Variants in AAK1 observed in about 807,000 individuals in gnomAD.
AAK1 encodes the protein AP2 associated kinase 1, also known as AP2-associated protein kinase 1.
A neutral mutation model predicts 116.0 loss-of-function variants in AAK1; 37 were observed. That is an observed-to-expected ratio of 0.32 (90% CI 0.25 to 0.42). The LOEUF (loss-of-function observed/expected upper bound fraction) is 0.42, where lower values mean the gene tolerates loss of function less well. Among genes scored for constraint, AAK1 ranks in the 10% least tolerant of loss-of-function variants. The pLI, the probability that AAK1 is intolerant of heterozygous loss-of-function variation, is 1.00. For missense variants in AAK1, 919 were observed against 1,170.6 expected, an observed-to-expected ratio of 0.79 and a Z score of 3.14; for synonymous variants, 458 against 439.9, an observed-to-expected ratio of 1.04 and a Z score of -0.51.
chr2:69,469,921 A>G lies in AAK1; in HGVS notation c.*5948T>C. On this transcript the variant is annotated 3_prime_UTR_variant, in exon 22 of 22. Transcript: ENST00000409085. ...ATTTCAGCAAGAACTCACATGCTTC[A>G]GGGAAGAGAAGGAGTTCCTAAAATA... The G allele has an allele frequency of 1.0e-6, 1 of 985,432 alleles. No homozygotes were observed. The highest frequency in any genetic ancestry group is 1.7e-5 in the African/African-American group (1 of 57,352). The allele number at this position is 985,432 out of a possible 1,614,324, so 61.0% of individuals were successfully genotyped here. A position where few individuals can be genotyped will look rare whatever the true frequency, so the allele number is the denominator to read the frequency against.
rs146236805 is a variant in AAK1 at position 69,560,840 on chromosome 2, G to T, written c.164-3862C>A. On this transcript the variant is annotated intron_variant, in intron 2 of 21. Transcript: ENST00000409085. ...TAAAATAGTGTTTAACACACAGTGAGCATTCAATAATGAACTAACTCTCTA... is the reference window on the plus strand; with the variant it reads ...TAAAATAGTGTTTAACACACAGTGATCATTCAATAATGAACTAACTCTCTA... 7.3e-3 allele frequency among the ~76,000 whole-genome samples: 1,110 copies of T among 152,268 alleles called. 20 individuals carry two copies. The highest frequency in any genetic ancestry group is 0.025 in the African/African-American group (1,048 of 41,546).
intron 13 of AAK1, among the ~76,000 whole-genome samples, chr2:69,513,707 G>C (rs894836129): frequency 6.6e-6 from 1 of 152,194 alleles, no homozygotes; most frequent in Non-Finnish European, 1.5e-5. Context: ...CACTCTACCA[G>C]CTGGGTATGC....
In AAK1 at chr2:69,592,864, G is replaced by A. The variant is rs115731965; in HGVS notation, c.164-35886C>T. ...TTGTACACTCCATGAACAAGTGAGT[G>A]TCTTAAGGCTCATCATGCCTGTGTT... On this transcript the variant is annotated intron_variant, in intron 2 of 21. Coordinates refer to ENST00000409085, the MANE Select transcript of AAK1 (RefSeq NM_014911.5). Among the ~76,000 whole-genome samples the A allele has an allele frequency of 4.1e-3, 628 of 152,290 alleles. 4 individuals carry two copies. The highest frequency in any genetic ancestry group is 0.015 in the African/African-American group (605 of 41,556).
intron 11 of AAK1, among the ~76,000 whole-genome samples, chr2:69,519,648 C>A (rs369531436): frequency 1.3e-5 from 2 of 152,276 alleles, no homozygotes; most frequent in Non-Finnish European, 2.9e-5. Context: ...AGTCTGGATG[C>A]GTGGCTATAA....
At chr2:69,479,250 G>C (rs1402929221) in intron 19 of AAK1, among the ~76,000 whole-genome samples, 189 bp from the exon 20 acceptor site, 2 of 151,844 alleles carry the variant, frequency 1.3e-5, no homozygotes, top group Admixed American at 6.6e-5. Context: ...CATGAGATTA[G>C]ATCTTAGCTT....
At chr2:69,482,846 A>AT in intron 17 of AAK1, 34 bp from the exon 18 acceptor site, 1 of 1,384,196 alleles carries the variant, frequency 7.2e-7, no homozygotes, top group Non-Finnish European at 1.0e-6. Flanking sequence ...AGAAAGCAAA[A>AT]ATGTAGTAAG....
chr2:69,495,148 T>C (rs1675688025), intron 17 of AAK1, among the ~76,000 whole-genome samples: 1 of 152,140 alleles, frequency 6.6e-6, no homozygotes, highest in Admixed American at 6.5e-5. Context: ...CTGGAACAAT[T>C]TGCTTTTGTG....
intron 16 of AAK1, among the ~76,000 whole-genome samples, chr2:69,503,987 G>A (rs1418813284): frequency 4.5e-5 from 6 of 134,508 alleles, no homozygotes; most frequent in African/African-American, 8.4e-5. Flanking sequence ...CAACAAGAGC[G>A]AAATTCCGTC....
Position 69,525,103 on chromosome 2 carries a change from T to C in AAK1, c.985A>G (p.Ile329Val). 1 of 1,613,924 alleles carries C rather than the reference T, an allele frequency of 6.2e-7. No homozygotes were observed. Among genetic ancestry groups the C allele is most frequent in the Non-Finnish European group, 8.5e-7 (1 of 1,179,836 alleles). Reference sequence around the variant, plus strand: ...ACTGGTTCAGGAAGCTTTGCAGGAATGGGAGAGTTCTATAGAATTGCAAAC... The same window carrying C: ...ACTGGTTCAGGAAGCTTTGCAGGAACGGGAGAGTTCTATAGAATTGCAAAC... The part of the protein sequence containing the change: ...CPIPNVQNSP[I>V]PAKLPEPVKA... Residue 329 changes from isoleucine (I) to valine (V), a missense_variant, in exon 10 of 22, where the codon ATT (isoleucine) becomes GTT (valine). Physicochemically the swap from Ile to Val is conservative, Grantham distance 29. Around this residue, in one of 4 missense-constraint regions of AAK1, gnomAD observed 317 missense variants for 490.4 expected, o/e 0.65. Coordinates refer to ENST00000409085, the MANE Select transcript of AAK1 (RefSeq NM_014911.5).
chr2:69,594,696 A>G, intron 2 of AAK1: 1 of 633,432 alleles, frequency 1.6e-6, no homozygotes, highest in Non-Finnish European at 2.8e-6. Context: ...AAGTGAATAT[A>G]AACTCAAGGT....
At chr2:69,543,052 C>A (rs1670786454) in intron 4 of AAK1, among the ~76,000 whole-genome samples, 1 of 152,150 alleles carries the variant, frequency 6.6e-6, no homozygotes, top group Admixed American at 6.5e-5. Flanking sequence ...TCAGATGGCA[C>A]AATAGGTCCA....
In AAK1 at chr2:69,465,575, A is replaced by G; in HGVS notation, c.*10294T>C. On this transcript the variant is annotated 3_prime_UTR_variant, in exon 22 of 22. Transcript: ENST00000409085. The stretch of plus-strand genomic sequence containing the variant: ...TTTGTGAAACAATTTTGTAGGCAGC[A>G]ATGGGCTGGGCTTCTGGACTTGGCT... 1 of 1,290,982 alleles carries G rather than the reference A, an allele frequency of 7.7e-7. No homozygotes were observed. Among genetic ancestry groups the G allele is most frequent in the Non-Finnish European group, 1.0e-6 (1 of 988,884 alleles). 80.0% of individuals were successfully genotyped at this position (1,290,982 alleles called of 1,614,324 possible). A position where few individuals can be genotyped will look rare whatever the true frequency, so the allele number is the denominator to read the frequency against.
At position 69,518,979 on chromosome 2, in the gene AAK1, T is replaced by C. The variant is rs1040797232; in HGVS notation, c.1472A>G (p.Gln491Arg). The stretch of plus-strand genomic sequence containing the variant: ...CTGCTGAGTCTGGGCCTGCTGCTGC[T>C]GGTAAAACGTGCCTGCCGGCTGCTG... ...AQQQPAGTFYQQQQAQTQQFQ... is the reference protein window; with the variant it reads ...AQQQPAGTFYRQQQAQTQQFQ... Residue 491 changes from glutamine to arginine, a missense_variant, in exon 12 of 22, where the codon CAG becomes CGG. Gln to Arg is a conservative substitution (Grantham distance 43). Around this residue, in one of 4 missense-constraint regions of AAK1, gnomAD observed 214 missense variants for 210.6 expected, o/e 1.02. Coordinates refer to ENST00000409085, the MANE Select transcript of AAK1 (RefSeq NM_014911.5). The C allele has an allele frequency of 1.9e-6, 3 of 1,549,126 alleles. No individual in the cohort carries two copies. The highest frequency in any genetic ancestry group is 2.7e-5 in the African/African-American group (2 of 73,008).
intron 2 of AAK1, among the ~76,000 whole-genome samples, chr2:69,566,317 A>C (rs1392667954): frequency 1.2e-4 from 18 of 152,174 alleles, no homozygotes; most frequent in Admixed American, 1.1e-3. Flanking sequence ...CACTGATTTC[A>C]GTGGGGGCTT....
intron 2 of AAK1, among the ~76,000 whole-genome samples, chr2:69,618,878 C>T (rs1208956367): frequency 6.6e-6 from 1 of 152,186 alleles, no homozygotes; most frequent in Non-Finnish European, 1.5e-5. Context: ...CTGACACACC[C>T]TCCAAGACTT....
At chr2:69,537,582 TC>T (rs1670529688) in intron 5 of AAK1, among the ~76,000 whole-genome samples, 1 of 152,224 alleles carries the variant, frequency 6.6e-6, no homozygotes, top group Non-Finnish European at 1.5e-5. Flanking sequence ...TAGCATTTTC[TC>T]TGGAAAACAG....
intron 2 of AAK1, among the ~76,000 whole-genome samples, chr2:69,580,995 CT>C (rs60442548): frequency 0.14 from 21,255 of 147,416 alleles, 1,815 homozygotes; most frequent in African/African-American, 0.23. Context: ...TAAAAATGAT[CT>C]TTTTTTTTTT....
intron 3 of AAK1, among the ~76,000 whole-genome samples, chr2:69,552,549 T>TA (rs1475508802): frequency 6.6e-6 from 1 of 151,730 alleles, no homozygotes; most frequent in Non-Finnish European, 1.5e-5. Flanking sequence ...CCATCTCTAC[T>TA]AAAAATACAA....
chr2:69,581,785 T>C (rs1672557987), intron 2 of AAK1, among the ~76,000 whole-genome samples: 1 of 152,084 alleles, frequency 6.6e-6, no homozygotes, highest in Non-Finnish European at 1.5e-5. Flanking sequence ...GAGACCGGCC[T>C]GGGCAACACA....
Sources: allele counts gnomAD v4.1 joint callset (sites outside exome capture counted in the v4.1 genomes callset), GRCh38; gene constraint gnomAD v4.1.1; regional missense constraint gnomAD v4.1.1; transcripts MANE v1.5; gene names NCBI Gene and HGNC (gene_info 2026-07-23, HGNC 2026-07-21).